Variants in LRMDA observed in about 807,000 individuals in gnomAD.
LRMDA encodes the protein leucine rich melanocyte differentiation associated, also known as leucine-rich melanocyte differentiation-associated protein.
LRMDA carries 18 observed loss-of-function variants against 29.8 expected under a neutral mutation model. That is an observed-to-expected ratio of 0.60 (90% CI 0.42 to 0.90). LRMDA has a LOEUF of 0.90. Ranked by LOEUF, LRMDA falls within the 40% of genes least tolerant of loss-of-function variation. LRMDA has a pLI of 0.00. For synonymous variants in LRMDA, 125 were observed against 109.4 expected (o/e 1.14, Z -0.89); for missense variants, 273 against 273.9 (o/e 1.00, Z 0.02).
intron 2 of LRMDA, among the ~76,000 whole-genome samples, chr10:75,717,500 C>T (rs905920711): frequency 2.0e-5 from 3 of 152,186 alleles, no homozygotes; most frequent in African/African-American, 4.8e-5. Flanking sequence ...GGTGGCACAG[C>T]GAGGAGCTTT....
chr10:75,921,453 C>T (rs1846024279), intron 2 of LRMDA, among the ~76,000 whole-genome samples: 2 of 152,094 alleles, frequency 1.3e-5, no homozygotes. Flanking sequence ...GGCTAATTAG[C>T]CTTCAAATAG....
chr10:75,981,101 A>C (rs1181550861), intron 2 of LRMDA, among the ~76,000 whole-genome samples: 1 of 152,248 alleles, frequency 6.6e-6, no homozygotes, highest in African/African-American at 2.4e-5. Context: ...TGCTTATTAA[A>C]GTGGTTCACT....
At chr10:75,647,853 C>T (rs764708976) in intron 2 of LRMDA, among the ~76,000 whole-genome samples, 2 of 152,160 alleles carry the variant, frequency 1.3e-5, no homozygotes, top group Non-Finnish European at 2.9e-5. Flanking sequence ...TGGTCCCACT[C>T]CTGCCCACTT....
At position 76,274,673 on chromosome 10, in the gene LRMDA, T is replaced by C. The variant is rs572681396; in HGVS notation, c.517-49728T>C. Among the ~76,000 whole-genome samples the C allele has an allele frequency of 7.0e-4, 106 of 152,328 alleles. 2 individuals carry two copies. Among genetic ancestry groups the C allele is most frequent in the Middle Eastern group, 3.4e-3 (1 of 294 alleles). The stretch of plus-strand genomic sequence containing the variant: ...GCTATGTATCAGGGCAAAAAAAGAA[T>C]GATGGAACATCTCTACTTTTTATAA... On this transcript the variant is annotated intron_variant, in intron 5 of 6. Transcript: ENST00000611255.
chr10:76,536,843 T>C (rs1179256918), intron 6 of LRMDA, among the ~76,000 whole-genome samples: 1 of 152,192 alleles, frequency 6.6e-6, no homozygotes, highest in East Asian at 1.9e-4. Context: ...TGTGAATATT[T>C]TCTTCCCCAA....
intron 6 of LRMDA, among the ~76,000 whole-genome samples, chr10:76,538,863 T>G (rs1478954943): frequency 6.6e-6 from 1 of 152,168 alleles, no homozygotes; most frequent in East Asian, 1.9e-4. Context: ...TATTTTTATT[T>G]GACAAACCAT....
At chr10:75,931,754 C>T (rs1846209402) in intron 2 of LRMDA, among the ~76,000 whole-genome samples, 1 of 152,222 alleles carries the variant, frequency 6.6e-6, no homozygotes, top group Admixed American at 6.5e-5. Context: ...ATCAGCAATA[C>T]TGAGCTACCT....
intron 2 of LRMDA, among the ~76,000 whole-genome samples, chr10:75,442,629 G>A (rs897233565): frequency 4.6e-5 from 7 of 151,980 alleles, no homozygotes; most frequent in South Asian, 4.2e-4. Context: ...TTTTTATGTC[G>A]GTATGTATTG....
chr10:75,836,271 A>G (rs1481786902), intron 2 of LRMDA, among the ~76,000 whole-genome samples: 1 of 152,166 alleles, frequency 6.6e-6, no homozygotes, highest in Non-Finnish European at 1.5e-5. Context: ...CAGCCAACAC[A>G]TGTTATAGAG....
chr10:76,535,391 C>A (rs758369671), intron 6 of LRMDA, among the ~76,000 whole-genome samples: 15 of 152,106 alleles, frequency 9.9e-5, no homozygotes, highest in Non-Finnish European at 2.1e-4. Flanking sequence ...ATTTTTTAAA[C>A]AACTGATTGC....
At chr10:76,413,746 G>A (rs909129921) in intron 6 of LRMDA, among the ~76,000 whole-genome samples, 1 of 152,208 alleles carries the variant, frequency 6.6e-6, no homozygotes, top group Admixed American at 6.5e-5. Context: ...AGGGATGTCT[G>A]TCTGTGTTGC....
At chr10:76,542,597 A>G (rs1228729180) in intron 6 of LRMDA, among the ~76,000 whole-genome samples, 2 of 152,204 alleles carry the variant, frequency 1.3e-5, no homozygotes, top group Non-Finnish European at 2.9e-5. Flanking sequence ...CCTTTGAGAT[A>G]ATAAGGAAAG....
intron 5 of LRMDA, among the ~76,000 whole-genome samples, chr10:76,144,175 G>T (rs947120782): frequency 6.6e-6 from 1 of 152,174 alleles, no homozygotes; most frequent in Non-Finnish European, 1.5e-5. Flanking sequence ...GGCGATGCGG[G>T]CTCTTTTTTG....
At chr10:76,275,723 A>G (rs1489816152) in intron 5 of LRMDA, among the ~76,000 whole-genome samples, 1 of 152,064 alleles carries the variant, frequency 6.6e-6, no homozygotes, top group Non-Finnish European at 1.5e-5. Context: ...TCCTATTTGT[A>G]GTTGGCTGAG....
chr10:75,462,069 G>C (rs1250459694), intron 2 of LRMDA, among the ~76,000 whole-genome samples: 2 of 152,272 alleles, frequency 1.3e-5, no homozygotes, highest in African/African-American at 4.8e-5. Context: ...GTCTTTGGCT[G>C]TCAGAATGAG....
At chr10:76,277,227 G>A (rs1383709641) in intron 5 of LRMDA, among the ~76,000 whole-genome samples, 3 of 151,954 alleles carry the variant, frequency 2.0e-5, no homozygotes, top group Admixed American at 6.6e-5. Flanking sequence ...CTGTGATTGG[G>A]GCCTGCATTT....
intron 6 of LRMDA, among the ~76,000 whole-genome samples, chr10:76,334,210 G>A (rs1196148013): frequency 6.6e-6 from 1 of 152,212 alleles, no homozygotes; most frequent in Non-Finnish European, 1.5e-5. Context: ...GTGATTTGAA[G>A]CCAATGCTTT....
chr10:76,474,733 G>A (rs1288370546), intron 6 of LRMDA, among the ~76,000 whole-genome samples: 1 of 151,622 alleles, frequency 6.6e-6, no homozygotes, highest in Non-Finnish European at 1.5e-5. Context: ...AACAAGTGTA[G>A]GGTGTGGAGA....
chr10:76,314,446 C>G (rs1840667140), intron 5 of LRMDA, among the ~76,000 whole-genome samples: 1 of 152,176 alleles, frequency 6.6e-6, no homozygotes, highest in Non-Finnish European at 1.5e-5. Context: ...AATAAGCACA[C>G]CAATGAATCA....
Sources: allele counts gnomAD v4.1 joint callset (sites outside exome capture counted in the v4.1 genomes callset), GRCh38; gene constraint gnomAD v4.1.1; transcripts MANE v1.5; gene names NCBI Gene and HGNC (gene_info 2026-07-23, HGNC 2026-07-21).